The following KDM1B variants were observed in gnomAD, a reference collection of about 807,000 sequenced individuals.
KDM1B encodes the protein lysine-specific histone demethylase 2.
In KDM1B, 63 loss-of-function variants were observed where a neutral mutation model predicts 107.4. The observed-to-expected ratio is 0.59, with a 90% confidence interval of 0.48 to 0.72. KDM1B has a LOEUF of 0.72. Among genes scored for constraint, KDM1B ranks in the 30% least tolerant of loss-of-function variants. KDM1B has a pLI of 0.00. For synonymous variants in KDM1B, 363 were observed against 363.9 expected, an observed-to-expected ratio of 1.00 and a Z score of 0.03; for missense variants, 749 against 1,020.8, an observed-to-expected ratio of 0.73 and a Z score of 3.63.
rs751989720 is a variant in KDM1B at position 18,159,911 on chromosome 6, G to A, written c.16G>A (p.Gly6Arg). The A allele has an allele frequency of 6.8e-6, 11 of 1,608,830 alleles. No individual in the cohort carries two copies. The African/African-American group carries it at 1.5e-4, about 22-fold the overall frequency. The change falls in exon 3 of 22, where the codon GGG becomes AGG. Residue 6 changes from glycine (G) to arginine (R), a missense_variant. Physicochemically the swap from Gly to Arg is moderately radical, Grantham distance 125. Transcript: ENST00000650836. The surrounding 1 kb of genome is among the most constrained non-coding windows in gnomAD (Gnocchi z 4.5). The stretch of plus-strand genomic sequence containing the variant: ...ATTTAATGTAATGGCAACTCCACGG[G>A]GGAGGACAAAGAAAAAAGCATCTTT... Reference protein sequence around the residue: MATPRGRTKKKASFDH... With the variant: MATPRRRTKKKASFDH...
At chr6:18,158,419 C>G (rs1228524141) in intron 2 of KDM1B, among the ~76,000 whole-genome samples, 1 of 150,944 alleles carries the variant, frequency 6.6e-6, no homozygotes, top group African/African-American at 2.4e-5. Flanking sequence ...ATGAGTTTTT[C>G]CATAGGATGT....
At chr6:18,190,698 T>C (rs1787223591) in intron 9 of KDM1B, among the ~76,000 whole-genome samples, 1 of 152,028 alleles carries the variant, frequency 6.6e-6, no homozygotes, top group Non-Finnish European at 1.5e-5. Flanking sequence ...GCCAGTACCT[T>C]GAAACCAGCT....
At chr6:18,183,817 T>A (rs563484799) in intron 7 of KDM1B, among the ~76,000 whole-genome samples, 1 of 152,180 alleles carries the variant, frequency 6.6e-6, no homozygotes, top group Non-Finnish European at 1.5e-5. Context: ...TACCTTGGTG[T>A]GTGTATTCTC....
intron 21 of KDM1B, among the ~76,000 whole-genome samples, chr6:18,220,947 C>T (rs113067720): frequency 0.021 from 3,160 of 151,916 alleles, 104 homozygotes; most frequent in African/African-American, 0.072. Flanking sequence ...GATGGGGTTT[C>T]ATCATGTTGG....
At position 18,191,612 on chromosome 6, in the gene KDM1B, A is replaced by G. The variant is rs1787290161; in HGVS notation, c.969+231A>G. Among the ~76,000 whole-genome samples the G allele has an allele frequency of 6.6e-6, 1 of 152,174 alleles. No homozygotes were observed. Among genetic ancestry groups the G allele is most frequent in the African/African-American group, 2.4e-5 (1 of 41,428 alleles). On this transcript the variant is annotated intron_variant, in intron 10 of 21. Coordinates refer to ENST00000650836, the MANE Select transcript of KDM1B (RefSeq NM_001364614.2). This position sits in a 1 kb window ranked among gnomAD's most constrained non-coding sequence, Gnocchi z 5.1. ...ATTCCAGTAATGCTTCCCACCTGTG[A>G]AAACCAAATACGTCTATAGACATTT...
At chr6:18,206,493 G>A (rs1788381752) in intron 15 of KDM1B, among the ~76,000 whole-genome samples, 2 of 152,310 alleles carry the variant, frequency 1.3e-5, no homozygotes, top group African/African-American at 4.8e-5. Context: ...CTGCTGCCTG[G>A]GCGATAGAGT....
chr6:18,174,113 T>C (rs1197056554), intron 7 of KDM1B, among the ~76,000 whole-genome samples: 2 of 152,182 alleles, frequency 1.3e-5, no homozygotes, highest in East Asian at 3.8e-4. Context: ...AAAAAATCAA[T>C]TGGCCGTATG....
chr6:18,177,006 G>T (rs1786058747), intron 7 of KDM1B, among the ~76,000 whole-genome samples: 1 of 152,234 alleles, frequency 6.6e-6, no homozygotes, highest in Non-Finnish European at 1.5e-5. Flanking sequence ...ATTAGGGAGG[G>T]TTCCTCTTTA....
Position 18,159,817 on chromosome 6 carries a change from C to G in KDM1B, c.-13-66C>G. The G allele has an allele frequency of 1.3e-6, 1 of 798,402 alleles. No homozygotes were observed. The highest frequency in any genetic ancestry group is 1.6e-5 in the South Asian group (1 of 64,024). The allele number at this position is 798,402 out of a possible 1,614,324, so 49.5% of individuals were successfully genotyped here. A position where few individuals can be genotyped will look rare whatever the true frequency, so the allele number is the denominator to read the frequency against. ...TCTTACCTACCAAAGTGTATAATAA[C>G]TTGCTCCAGACTGTTAAAAATATTT... On this transcript the variant is annotated intron_variant, in intron 2 of 21. Transcript: ENST00000650836. The surrounding 1 kb of genome is among the most constrained non-coding windows in gnomAD (Gnocchi z 4.5).
In KDM1B at chr6:18,155,986, G is replaced by A. The variant is rs911370856; in HGVS notation, c.-14+60G>A. ...AAAGCTTCCGAAAGCTTCTCGGAAA[G>A]CGAGGCGGCTGCAGCTGGCACCGGG... On this transcript the variant is annotated intron_variant, in intron 2 of 21. Transcript: ENST00000650836. The surrounding 1 kb of genome is among the most constrained non-coding windows in gnomAD (Gnocchi z 6.2). 5.3e-5 allele frequency: 8 copies of A among 152,352 alleles called. No individual in the cohort carries two copies. The highest frequency in any genetic ancestry group is 1.7e-4 in the African/African-American group (7 of 41,464). The allele number at this position is 152,352 out of a possible 1,614,324, so 9.4% of individuals were successfully genotyped here. A position where few individuals can be genotyped will look rare whatever the true frequency, so the allele number is the denominator to read the frequency against.
intron 17 of KDM1B, among the ~76,000 whole-genome samples, chr6:18,210,364 T>TTTTTTTTTTTTTG: frequency 9.4e-6 from 1 of 106,046 alleles, no homozygotes; most frequent in Non-Finnish European, 1.9e-5. Flanking sequence ...TTTTTTTTTT[T>TTTTTTTTTTTTTG]TTTTTTTTGT....
chr6:18,212,618 C>T lies in KDM1B; in HGVS notation c.1983+14C>T, dbSNP rs757133355. 6 of 1,497,674 alleles carry T rather than the reference C, an allele frequency of 4.0e-6. No individual in the cohort carries two copies. The highest frequency in any genetic ancestry group is 5.6e-6 in the Non-Finnish European group (6 of 1,073,876). The allele number at this position is 1,497,674 out of a possible 1,614,324, so 92.8% of individuals were successfully genotyped here. On this transcript the variant is annotated intron_variant, in intron 18 of 21. Coordinates refer to ENST00000650836, the MANE Select transcript of KDM1B (RefSeq NM_001364614.2). The surrounding 1 kb of genome is among the most constrained non-coding windows in gnomAD (Gnocchi z 5.2). Reference sequence around the variant, plus strand: ...ATCATTGAAAAGGTGACTGAAATGACCTCATCCTCAGCAAGAAAGAGATTA... The same window carrying T: ...ATCATTGAAAAGGTGACTGAAATGATCTCATCCTCAGCAAGAAAGAGATTA...
Position 18,191,424 on chromosome 6 carries a change from A to AT in KDM1B, c.969+43_969+44insT. The AT allele has an allele frequency of 6.6e-7, 1 of 1,509,430 alleles. No individual in the cohort carries two copies. 93.5% of individuals were successfully genotyped at this position (1,509,430 alleles called of 1,614,324 possible). ...AGCCAATAGCACTGGACAGAGGAGG[A>AT]CCATGTTGAAAAGGAGGGGATACTT... On this transcript the variant is annotated intron_variant, in intron 10 of 21. Transcript: ENST00000650836. This position sits in a 1 kb window ranked among gnomAD's most constrained non-coding sequence, Gnocchi z 5.1.
chr6:18,165,807 G>C (rs1785260336), intron 5 of KDM1B, among the ~76,000 whole-genome samples: 1 of 152,214 alleles, frequency 6.6e-6, no homozygotes, highest in South Asian at 2.1e-4. Context: ...GGGTGACAGA[G>C]TGAGACTCCA....
At position 18,205,429 on chromosome 6, in the gene KDM1B, T is replaced by C. The variant is rs1164228505; in HGVS notation, c.1532-108T>C. The stretch of plus-strand genomic sequence containing the variant: ...CTCTGACTTTACTTGGGAAAAGACT[T>C]TGGAAGTTTTGGGTGTTGCTGGGTG... On this transcript the variant is annotated intron_variant, in intron 14 of 21. Transcript: ENST00000650836. The surrounding 1 kb of genome is among the most constrained non-coding windows in gnomAD (Gnocchi z 5.7). 27 of 1,025,640 alleles carry C rather than the reference T, an allele frequency of 2.6e-5. No individual in the cohort carries two copies. The highest frequency in any genetic ancestry group is 3.7e-5 in the Non-Finnish European group (27 of 724,004). The allele number at this position is 1,025,640 out of a possible 1,614,324, so 63.5% of individuals were successfully genotyped here. A position where few individuals can be genotyped will look rare whatever the true frequency, so the allele number is the denominator to read the frequency against.
Position 18,197,254 on chromosome 6 carries a change from CGA to C in KDM1B, c.1146+22_1146+23del. The C allele has an allele frequency of 6.2e-7, 1 of 1,602,772 alleles. No individual in the cohort carries two copies. On this transcript the variant is annotated intron_variant, in intron 11 of 21. Transcript: ENST00000650836. This position sits in a 1 kb window ranked among gnomAD's most constrained non-coding sequence, Gnocchi z 4.5. ...ACAATGTAGGTGATTATAGCTTTAGCGATAGCCTTGCCATTGATCAGGACAAA... is the reference window on the plus strand; with the variant it reads ...ACAATGTAGGTGATTATAGCTTTAGCTAGCCTTGCCATTGATCAGGACAAA...
intron 2 of KDM1B, among the ~76,000 whole-genome samples, chr6:18,157,349 AGCT>A (rs1484308606): frequency 1.3e-5 from 2 of 152,202 alleles, no homozygotes; most frequent in Non-Finnish European, 2.9e-5. Flanking sequence ...TGGCTTTTAT[AGCT>A]CATGTTTTCA....
intron 7 of KDM1B, among the ~76,000 whole-genome samples, chr6:18,176,512 T>C (rs1003111121): frequency 3.3e-5 from 5 of 152,138 alleles, no homozygotes; most frequent in Admixed American, 2.0e-4. Context: ...GTGGTGAGAT[T>C]GGGCATCCTT....
rs11323463 is a variant in KDM1B at position 18,203,852 on chromosome 6, CAAAA to C, written c.1532-1670_1532-1667del. Among the ~76,000 whole-genome samples, 3 of 131,684 alleles carry C rather than the reference CAAAA, an allele frequency of 2.3e-5. No homozygotes were observed. The highest frequency in any genetic ancestry group is 3.2e-5 in the Non-Finnish European group (2 of 61,774). The allele number at this position is 131,684 out of a possible 152,430, so 86.4% of individuals were successfully genotyped here. On this transcript the variant is annotated intron_variant, in intron 14 of 21. Coordinates refer to ENST00000650836, the MANE Select transcript of KDM1B (RefSeq NM_001364614.2). The surrounding 1 kb of genome is among the most constrained non-coding windows in gnomAD (Gnocchi z 5.5). ...TTGATGACAAGCGAAACTCCGTCTC[CAAAA>C]AAAAAAAAAAAAAATCACATTGAGG...
Sources: gnomAD v4.1 joint callset for allele counts (sites outside exome capture counted in the v4.1 genomes callset) on GRCh38, gnomAD v4.1.1 for gene constraint, Gnocchi (gnomAD v3.1) non-coding constraint, MANE v1.5 for transcripts, NCBI Gene and HGNC (gene_info 2026-07-23, HGNC 2026-07-21) for gene names.